Variants in PLD1 observed in about 807,000 individuals in gnomAD.
The protein encoded by PLD1 is phospholipase D1, also known as choline phosphatase 1.
PLD1 carries 112 observed loss-of-function variants against 137.1 expected under a neutral mutation model. The ratio of observed to expected loss-of-function variants is 0.82; its 90% CI spans 0.70 to 0.96. The LOEUF (loss-of-function observed/expected upper bound fraction) is 0.96, where lower values mean the gene tolerates loss of function less well. PLD1 is among the 40% of genes least tolerant of loss of function. The pLI is 0.00. For missense variants in PLD1, 1,321 were observed against 1,342.0 expected, an observed-to-expected ratio of 0.98 and a Z score of 0.24; for synonymous variants, 431 against 454.7, an observed-to-expected ratio of 0.95 and a Z score of 0.66.
intron 1 of PLD1, among the ~76,000 whole-genome samples, chr3:171,767,292 A>G (rs1722044030): frequency 6.6e-6 from 1 of 152,184 alleles, no homozygotes; most frequent in Non-Finnish European, 1.5e-5. Context: ...GGCAACCTCT[A>G]TATCCTGCCA....
rs75518698 is a variant in PLD1, at chr3:171,761,217, A to T, written c.-31-23135T>A. Among the ~76,000 whole-genome samples, 101 of 152,274 alleles carry T rather than the reference A, an allele frequency of 6.6e-4. No individual in the cohort carries two copies. In the East Asian group the frequency reaches 0.015, roughly 23 times the overall value. On this transcript the variant is annotated intron_variant, in intron 1 of 26. Coordinates refer to ENST00000351298, the MANE Select transcript of PLD1 (RefSeq NM_002662.5). ...GGAGCAGAGCAAGTGGTAGGAACAC[A>T]CTTTATAGTCAGGCAAAGAAGGGTC...
At chr3:171,650,827 G>C (rs1323802678) in intron 21 of PLD1, among the ~76,000 whole-genome samples, 2 of 152,256 alleles carry the variant, frequency 1.3e-5, no homozygotes, top group East Asian at 3.9e-4. Flanking sequence ...GAACCCGGGA[G>C]GCGGAGCTTG....
chr3:171,697,795 T>C (rs1436814366), intron 12 of PLD1, among the ~76,000 whole-genome samples: 2 of 152,180 alleles, frequency 1.3e-5, no homozygotes, highest in Non-Finnish European at 2.9e-5. Context: ...GCCCAATGCT[T>C]TCCCTCTTGC....
intron 1 of PLD1, among the ~76,000 whole-genome samples, chr3:171,739,210 G>C (rs1038870998): frequency 6.6e-6 from 1 of 152,180 alleles, no homozygotes; most frequent in African/African-American, 2.4e-5. Flanking sequence ...ACTTAGCTGG[G>C]TCTCTCCTGC....
At chr3:171,605,212 G>C in intron 26 of PLD1, 87 bp downstream of exon 26, 1 of 836,222 alleles carries the variant, frequency 1.2e-6, no homozygotes, top group South Asian at 1.4e-5. Flanking sequence ...AGAATACCCT[G>C]TACCAATAAT....
At chr3:171,621,729 T>C (rs1235003916) in intron 23 of PLD1, among the ~76,000 whole-genome samples, 1 of 152,202 alleles carries the variant, frequency 6.6e-6, no homozygotes, top group Non-Finnish European at 1.5e-5. Context: ...AAACGTTTCA[T>C]GTAAATGAGG....
chr3:171,685,747 G>A (rs1270546266), intron 16 of PLD1, among the ~76,000 whole-genome samples: 2 of 152,134 alleles, frequency 1.3e-5, no homozygotes, highest in Admixed American at 1.3e-4. Flanking sequence ...AGTATCTGGA[G>A]TATCTTCTTA....
rs376280389 is a variant in PLD1, at chr3:171,734,949, G to C, written c.456C>G (p.Asn152Lys). The C allele has an allele frequency of 1.2e-4, 189 of 1,610,978 alleles. No homozygotes were observed. Among genetic ancestry groups the C allele is most frequent in the Middle Eastern group, 8.2e-4 (5 of 6,074 alleles). The change falls in exon 5 of 27, where the codon AAC becomes AAG. Residue 152 changes from asparagine to lysine, a missense_variant. Coordinates refer to ENST00000351298, the MANE Select transcript of PLD1 (RefSeq NM_002662.5). ...PTRRHTFRRQ[N>K]VREEPREMPS... ...GCATCTCTCGAGGCTCCTCTCTGAC[G>C]TTTTGCCTCCTAAACGTGTGTCTAA...
Position 171,676,743 on chromosome 3 carries a change from T to A in PLD1, c.2087A>T (p.His696Leu), listed in dbSNP as rs1276673479. ...TGTGAAGTTCCAGCGCTGGATGAAG[T>A]GACGTGCCACATCACGAGCCGCCTT... is the stretch of plus-strand genomic sequence containing the variant. Reference protein sequence around the residue: ...HGKAARDVARHFIQRWNFTKI... With the variant: ...HGKAARDVARLFIQRWNFTKI... Residue 696 changes from histidine (H) to leucine (L), a missense_variant, in exon 18 of 27, where the codon CAC becomes CTC. Transcript: ENST00000351298. 1 of 1,614,032 alleles carries A rather than the reference T, an allele frequency of 6.2e-7. No homozygotes were observed. The highest frequency in any genetic ancestry group is 1.1e-5 in the South Asian group (1 of 91,086).
At chr3:171,659,847 C>G (rs1185982555) in intron 20 of PLD1, among the ~76,000 whole-genome samples, 1 of 152,128 alleles carries the variant, frequency 6.6e-6, no homozygotes, top group Non-Finnish European at 1.5e-5. Flanking sequence ...TTTTAAGTAG[C>G]CTCAACTCTC....
At chr3:171,658,505 T>C (rs1737399804) in intron 21 of PLD1, among the ~76,000 whole-genome samples, 1 of 152,186 alleles carries the variant, frequency 6.6e-6, no homozygotes, top group Non-Finnish European at 1.5e-5. Context: ...CATGCTATAA[T>C]AATAGATAAG....
chr3:171,764,964 A>AAG (rs1491105887), intron 1 of PLD1, among the ~76,000 whole-genome samples: 7 of 74,466 alleles, frequency 9.4e-5, no homozygotes, highest in Non-Finnish European at 2.1e-4. Context: ...GAAAGAAAGA[A>AAG]AGAAAGAAAG....
intron 1 of PLD1, among the ~76,000 whole-genome samples, chr3:171,778,805 T>C (rs926872964): frequency 1.3e-5 from 2 of 152,230 alleles, no homozygotes; most frequent in African/African-American, 4.8e-5. Context: ...ATTTACGTTT[T>C]TCCTTAAATA....
At chr3:171,725,305 C>T (rs1718421386) in intron 7 of PLD1, among the ~76,000 whole-genome samples, 1 of 152,212 alleles carries the variant, frequency 6.6e-6, no homozygotes, top group Non-Finnish European at 1.5e-5. Flanking sequence ...GGTCCACCTG[C>T]TGTTGAGACC....
chr3:171,706,260 C>T (rs968482366), intron 11 of PLD1, among the ~76,000 whole-genome samples: 10 of 147,514 alleles, frequency 6.8e-5, no homozygotes, highest in African/African-American at 2.2e-4. Context: ...CTATCCTATG[C>T]CATTCTTTTT....
chr3:171,788,210 T>A (rs1172045453), intron 1 of PLD1, among the ~76,000 whole-genome samples: 1 of 147,978 alleles, frequency 6.8e-6, no homozygotes, highest in South Asian at 2.1e-4. Flanking sequence ...AAAAAAATAA[T>A]AATAAATTAA....
intron 3 of PLD1, among the ~76,000 whole-genome samples, chr3:171,736,007 G>A (rs1005708901): frequency 2.2e-4 from 33 of 152,130 alleles, no homozygotes; most frequent in African/African-American, 5.1e-4. Flanking sequence ...AATATAAGCC[G>A]TGCACCAGGC....
At position 171,687,357 on chromosome 3, in the gene PLD1, AG is replaced by A; in HGVS notation, c.1753+13del. Reference sequence around the variant, plus strand: ...GGGTAGTTAAGATAAATTCTAGTCAAGGCCATGACTTACTGGAGGTGCTGTC... The same window carrying A: ...GGGTAGTTAAGATAAATTCTAGTCAAGCCATGACTTACTGGAGGTGCTGTC... On this transcript the variant is annotated intron_variant, in intron 15 of 26. Coordinates refer to ENST00000351298, the MANE Select transcript of PLD1 (RefSeq NM_002662.5). The A allele has an allele frequency of 6.2e-7, 1 of 1,606,274 alleles. No homozygotes were observed. The highest frequency in any genetic ancestry group is 8.5e-7 in the Non-Finnish European group (1 of 1,172,828).
At chr3:171,737,437 C>T in intron 3 of PLD1, 95 bp downstream of exon 3, 2 of 1,078,304 alleles carry the variant, frequency 1.9e-6, no homozygotes, top group Non-Finnish European at 2.6e-6. Context: ...AACCTACAAA[C>T]ATGATCATAG....
Sources: gnomAD v4.1 joint callset for allele counts (sites outside exome capture counted in the v4.1 genomes callset) on GRCh38, gnomAD v4.1.1 for gene constraint, MANE v1.5 for transcripts, NCBI Gene and HGNC (gene_info 2026-07-23, HGNC 2026-07-21) for gene names.